Variants in FARP2 observed in about 807,000 individuals in gnomAD.
FARP2 encodes FERM, ARHGEF and pleckstrin domain-containing protein 2.
A neutral mutation model predicts 130.5 loss-of-function variants in FARP2; 111 were observed. The ratio of observed to expected loss-of-function variants is 0.85; its 90% CI spans 0.73 to 1.00. FARP2 has a LOEUF of 1.00. Ranked by LOEUF, FARP2 falls within the 50% of genes least tolerant of loss-of-function variation. FARP2 has a pLI of 0.00. For synonymous variants in FARP2, 504 were observed against 516.9 expected (o/e 0.98, Z 0.34); for missense variants, 1,385 against 1,346.3 (o/e 1.03, Z -0.45).
chr2:241,442,916 G>A (rs978687357), intron 13 of FARP2: 1 of 202,522 alleles, frequency 4.9e-6, no homozygotes, highest in Non-Finnish European at 1.0e-5. Context: ...TATTGATGCT[G>A]CTTTTCAAGA....
intron 21 of FARP2, among the ~76,000 whole-genome samples, chr2:241,484,766 G>A (rs964403392): frequency 6.6e-6 from 1 of 152,222 alleles, no homozygotes; most frequent in African/African-American, 2.4e-5. Context: ...GCATGATCCA[G>A]TTCATCAACT....
intron 21 of FARP2, among the ~76,000 whole-genome samples, chr2:241,487,776 A>C (rs2064793710): frequency 5.6e-5 from 3 of 53,696 alleles, no homozygotes; most frequent in African/African-American, 7.2e-5. Context: ...TTGAGATGGA[A>C]TCGCTCTGTC....
At chr2:241,448,940 G>T (rs559505089) in intron 13 of FARP2, among the ~76,000 whole-genome samples, 1 of 152,240 alleles carries the variant, frequency 6.6e-6, no homozygotes, top group African/African-American at 2.4e-5. Flanking sequence ...TGCCGGGTAG[G>T]GAGGTGAGCT....
chr2:241,467,764 G>C (rs13026988), intron 17 of FARP2, among the ~76,000 whole-genome samples: 1 of 152,014 alleles, frequency 6.6e-6, no homozygotes, highest in African/African-American at 2.4e-5. Context: ...GGCAGGACTC[G>C]GGTGGGCTTT....
chr2:241,418,168 G>C (rs1018953715), intron 8 of FARP2, 59 bp downstream of exon 8: 63 of 1,584,870 alleles, frequency 4.0e-5, no homozygotes, highest in Non-Finnish European at 5.1e-5. Flanking sequence ...CTGCAACCTG[G>C]TGGGGTTTGT....
At chr2:241,474,801 T>TAAATAAATAAATA (rs374193358) in intron 18 of FARP2, among the ~76,000 whole-genome samples, 4 of 140,314 alleles carry the variant, frequency 2.9e-5, no homozygotes, top group East Asian at 2.1e-4. Context: ...CTAATAATAA[T>TAAATAAATAAATA]AATAAATAAA....
chr2:241,379,373 T>C (rs894994092), intron 2 of FARP2, among the ~76,000 whole-genome samples: 1 of 152,242 alleles, frequency 6.6e-6, no homozygotes, highest in Admixed American at 6.5e-5. Flanking sequence ...CCTTTGCCTT[T>C]GCTGACAAGT....
chr2:241,468,462 C>A, intron 18 of FARP2, 85 bp downstream of exon 18: 1 of 998,664 alleles, frequency 1.0e-6, no homozygotes, highest in Non-Finnish European at 1.5e-6. Flanking sequence ...TGAAGACTTC[C>A]TTCACTGGGA....
chr2:241,491,516 G>T lies in FARP2; in HGVS notation c.2624G>T (p.Arg875Ile). ...TGAGACGCTGCTGACTTCTCCCCAG[G>T]ATCCCCCAACGAGGTATCTCTGGAG... Reference protein sequence around the residue: ...PGRTVCTRPPRSPNEVSLEQE... With the variant: ...PGRTVCTRPPISPNEVSLEQE... The change falls in exon 24 of 27, where the codon AGA (arginine) becomes ATA (isoleucine). Residue 875 changes from arginine (R) to isoleucine (I), a missense_variant and splice_region_variant. Physicochemically the swap from Arg to Ile is moderately conservative, Grantham distance 97 (BLOSUM62 -3). Transcript: ENST00000264042. 1 of 1,613,308 alleles carries T rather than the reference G, an allele frequency of 6.2e-7. No homozygotes were observed. Among genetic ancestry groups the T allele is most frequent in the East Asian group, 2.2e-5 (1 of 44,874 alleles).
At chr2:241,485,523 T>A (rs537065860) in intron 21 of FARP2, among the ~76,000 whole-genome samples, 52 of 141,290 alleles carry the variant, frequency 3.7e-4, no homozygotes, top group Middle Eastern at 9.5e-3. Flanking sequence ...CCCTGTGATC[T>A]CCCCTTCCTG....
chr2:241,489,899 C>A (rs939335326), intron 21 of FARP2, 63 bp from the exon 22 acceptor site: 12 of 1,159,610 alleles, frequency 1.0e-5, no homozygotes, highest in Non-Finnish European at 1.6e-5. Context: ...TTGTGTCCTG[C>A]TCAGGCTTAG....
intron 25 of FARP2, 33 bp from the exon 26 acceptor site, chr2:241,493,260 C>G (rs770654848): frequency 5.6e-6 from 9 of 1,607,182 alleles, no homozygotes; most frequent in Non-Finnish European, 6.8e-6. Context: ...GCAACCCAGC[C>G]CCTGGAACCC....
chr2:241,390,473 G>A (rs556270210), intron 2 of FARP2, among the ~76,000 whole-genome samples: 6 of 152,222 alleles, frequency 3.9e-5, no homozygotes, highest in African/African-American at 1.4e-4. Context: ...CTAGAAGAAT[G>A]CATCTGTTTA....
In FARP2 at chr2:241,491,579, C is replaced by A. The variant is rs75022667; in HGVS notation, c.2687C>A (p.Ser896Tyr). ...SEDDARGVRSSLEGHGQHRAN... is the reference protein window; with the variant it reads ...SEDDARGVRSYLEGHGQHRAN... The stretch of plus-strand genomic sequence containing the variant: ...GATGATGCTCGGGGTGTCCGCAGCT[C>A]CCTGGAGGGGCATGGCCAGCACCGG... Residue 896 changes from serine (S) to tyrosine (Y), a missense_variant, in exon 24 of 27, where the codon TCC (serine) becomes TAC (tyrosine). Coordinates refer to ENST00000264042, the MANE Select transcript of FARP2 (RefSeq NM_014808.4). The A allele has an allele frequency of 6.2e-7, 1 of 1,613,658 alleles. No homozygotes were observed. The highest frequency in any genetic ancestry group is 1.3e-5 in the African/African-American group (1 of 74,938).
intron 18 of FARP2, among the ~76,000 whole-genome samples, chr2:241,473,440 A>G (rs2064370230): frequency 6.6e-6 from 1 of 151,682 alleles, no homozygotes; most frequent in Non-Finnish European, 1.5e-5. Flanking sequence ...TACTCTGTGG[A>G]GACCCTGTTC....
At chr2:241,430,119 A>G (rs2063054710) in intron 8 of FARP2, among the ~76,000 whole-genome samples, 1 of 152,242 alleles carries the variant, frequency 6.6e-6, no homozygotes, top group Non-Finnish European at 1.5e-5. Flanking sequence ...CATAGATTCA[A>G]ATCTGATACT....
intron 2 of FARP2, among the ~76,000 whole-genome samples, chr2:241,394,305 T>G (rs1023403524): frequency 2.6e-5 from 4 of 151,986 alleles, no homozygotes; most frequent in Non-Finnish European, 5.9e-5. Flanking sequence ...GATCACGAGG[T>G]CAGGAGATTG....
intron 6 of FARP2, among the ~76,000 whole-genome samples, chr2:241,412,592 TAGAC>T (rs1480959321): frequency 2.6e-5 from 4 of 152,324 alleles, no homozygotes; most frequent in African/African-American, 4.8e-5. Flanking sequence ...TACATGAAAT[TAGAC>T]AGAGACATTA....
intron 13 of FARP2, chr2:241,442,057 C>T (rs542508889): frequency 3.0e-5 from 11 of 364,536 alleles, no homozygotes; most frequent in East Asian, 2.2e-4. Flanking sequence ...GAACGCACAC[C>T]CCTCAGACAC....
Sources: allele counts gnomAD v4.1 joint callset (sites outside exome capture counted in the v4.1 genomes callset), GRCh38; gene constraint gnomAD v4.1.1; transcripts MANE v1.5; gene names NCBI Gene and HGNC (gene_info 2026-07-23, HGNC 2026-07-21).